ALKBH3: variants seen among roughly 807,000 people sequenced by gnomAD.
The protein encoded by ALKBH3 is alkB homolog 3, alpha-ketoglutarate dependent dioxygenase, also known as alpha-ketoglutarate-dependent dioxygenase alkB homolog 3.
Under a neutral mutation model 43.9 loss-of-function variants are expected in ALKBH3, and 51 were observed. That is an observed-to-expected ratio of 1.16 (90% CI 0.93 to 1.47). The LOEUF (loss-of-function observed/expected upper bound fraction) is 1.47. Among genes scored for constraint, ALKBH3 ranks in the 40% most tolerant of loss-of-function variants. The pLI is 0.00. For missense variants in ALKBH3, 361 were observed against 351.9 expected (o/e 1.03, Z -0.21); for synonymous variants, 102 against 115.2 (o/e 0.89, Z 0.73).
chr11:43,896,214 A>G (rs1249679277), intron 7 of ALKBH3, among the ~76,000 whole-genome samples: 1 of 152,008 alleles, frequency 6.6e-6, no homozygotes, highest in Non-Finnish European at 1.5e-5. Flanking sequence ...ATTTTAGAAA[A>G]CTGGTATCTG....
intron 1 of ALKBH3, 112 bp from the exon 2 acceptor site, chr11:43,882,471 C>T (rs1951718451): frequency 2.1e-6 from 1 of 486,198 alleles, no homozygotes; most frequent in Non-Finnish European, 3.6e-6. Flanking sequence ...ACTGATTTTA[C>T]ATGGAAGCTC....
chr11:43,918,273 T>G (rs985648326), intron 8 of ALKBH3, among the ~76,000 whole-genome samples: 9 of 152,204 alleles, frequency 5.9e-5, no homozygotes, highest in African/African-American at 2.2e-4. Context: ...CAGCTTATGC[T>G]CTGAAGACTC....
chr11:43,883,005 G>C, intron 2 of ALKBH3, 80 bp from the exon 3 acceptor site: 2 of 1,133,618 alleles, frequency 1.8e-6, no homozygotes, highest in Non-Finnish European at 2.6e-6. Flanking sequence ...CTCCAAGTGG[G>C]CTTTATTGGC....
intron 7 of ALKBH3, among the ~76,000 whole-genome samples, chr11:43,895,467 G>A (rs917956144): frequency 5.9e-5 from 9 of 152,156 alleles, no homozygotes; most frequent in Admixed American, 3.9e-4. Flanking sequence ...TGAGGCCTCC[G>A]CAGCTATGTG....
intron 7 of ALKBH3, chr11:43,898,687 G>A (rs1049258708): frequency 1.4e-6 from 1 of 716,870 alleles, no homozygotes; most frequent in East Asian, 2.5e-5. Context: ...GATCATCGAG[G>A]TGGTGAAGGC....
At chr11:43,886,449 C>A (rs1436491541) in intron 4 of ALKBH3, among the ~76,000 whole-genome samples, 157 bp from the exon 5 acceptor site, 1 of 152,188 alleles carries the variant, frequency 6.6e-6, no homozygotes, top group Non-Finnish European at 1.5e-5. Flanking sequence ...ATACCATGAT[C>A]TTCTCAGTGG....
At chr11:43,908,292 C>T (rs1258142033) in intron 8 of ALKBH3, among the ~76,000 whole-genome samples, 2 of 152,146 alleles carry the variant, frequency 1.3e-5, no homozygotes, top group East Asian at 3.9e-4. Flanking sequence ...ATGGGAAATC[C>T]AGAGGACACA....
rs1565126823 is a variant in ALKBH3 at position 43,901,631 on chromosome 11, G to A, written c.575G>A (p.Ser192Asn). ...GAGAAGGACAGCGTGGACTGGCACA[G>A]TGATGATGAACCCTCACTAGGGAGG... ...RNEKDSVDWH[S>N]DDEPSLGRCP... Residue 192 changes from serine (S) to asparagine (N), a missense_variant, in exon 8 of 10, where the codon AGT becomes AAT. Ser to Asn is a conservative substitution (Grantham distance 46, BLOSUM62 1). Coordinates refer to ENST00000302708, the MANE Select transcript of ALKBH3 (RefSeq NM_139178.4). 6 of 1,614,260 alleles carry A rather than the reference G, an allele frequency of 3.7e-6. No homozygotes were observed. The Admixed American group carries it at 8.3e-5, about 22-fold the overall frequency.
chr11:43,898,981 T>C (rs919734313), intron 7 of ALKBH3: 1 of 753,468 alleles, frequency 1.3e-6, no homozygotes, highest in African/African-American at 1.7e-5. Context: ...GACCTCAAGC[T>C]CTGGACTGAG....
intron 8 of ALKBH3, among the ~76,000 whole-genome samples, chr11:43,903,502 G>A (rs969908926): frequency 7.2e-5 from 11 of 152,188 alleles, no homozygotes; most frequent in South Asian, 2.1e-4. Context: ...ACCGGGGGCC[G>A]TAGCAGTGAA....
chr11:43,888,500 C>T (rs1051049777), intron 5 of ALKBH3, among the ~76,000 whole-genome samples: 3 of 152,158 alleles, frequency 2.0e-5, no homozygotes, highest in African/African-American at 4.8e-5. Flanking sequence ...ACATTAACAT[C>T]GCCTTAATGC....
chr11:43,899,333 A>G, intron 7 of ALKBH3: 1 of 696,930 alleles, frequency 1.4e-6, no homozygotes, highest in Non-Finnish European at 2.7e-6. Flanking sequence ...GAAATTCCAC[A>G]GCATGCCCGT....
chr11:43,898,942 A>G (rs150204801), intron 7 of ALKBH3: 11 of 748,232 alleles, frequency 1.5e-5, no homozygotes, highest in African/African-American at 5.1e-5. Context: ...AAATCTCTCT[A>G]CTGGACCATG....
At chr11:43,900,086 T>G (rs1191325863) in intron 7 of ALKBH3, among the ~76,000 whole-genome samples, 3 of 140,714 alleles carry the variant, frequency 2.1e-5, no homozygotes, top group Admixed American at 1.5e-4. Flanking sequence ...TATTAAAAAT[T>G]TGCAAAACAG....
chr11:43,891,976 G>T, intron 6 of ALKBH3, 65 bp from the exon 7 acceptor site: 1 of 1,250,122 alleles, frequency 8.0e-7, no homozygotes, highest in South Asian at 1.3e-5. Flanking sequence ...GCACAAAGTT[G>T]GCACTCAGTA....
intron 7 of ALKBH3, among the ~76,000 whole-genome samples, chr11:43,900,336 G>A (rs1951854030): frequency 7.1e-6 from 1 of 141,370 alleles, no homozygotes; most frequent in Non-Finnish European, 1.5e-5. Flanking sequence ...TGATTCTTCT[G>A]CCTCAGCCTC....
chr11:43,913,903 AC>A (rs1443715590), intron 8 of ALKBH3, among the ~76,000 whole-genome samples: 2 of 152,248 alleles, frequency 1.3e-5, no homozygotes, highest in Non-Finnish European at 2.9e-5. Flanking sequence ...AGGAAATTTC[AC>A]ATAAAAATCC....
At chr11:43,882,345 A>C (rs1951717729) in intron 1 of ALKBH3, among the ~76,000 whole-genome samples, 1 of 152,244 alleles carries the variant, frequency 6.6e-6, no homozygotes, top group Non-Finnish European at 1.5e-5. Flanking sequence ...AATTTCTTAA[A>C]ATGCACTTTC....
intron 5 of ALKBH3, among the ~76,000 whole-genome samples, chr11:43,888,835 G>A (rs1187986741): frequency 6.6e-6 from 1 of 152,180 alleles, no homozygotes; most frequent in Non-Finnish European, 1.5e-5. Flanking sequence ...TCTTAAGAAA[G>A]ATATCCAAAA....
Sources: allele counts gnomAD v4.1 joint callset (sites outside exome capture counted in the v4.1 genomes callset), GRCh38; gene constraint gnomAD v4.1.1; transcripts MANE v1.5; gene names NCBI Gene and HGNC (gene_info 2026-07-23, HGNC 2026-07-21).